SLC36A2: variants seen among roughly 807,000 people sequenced by gnomAD.
SLC36A2 encodes solute carrier family 36 member 2.
In SLC36A2, 39 loss-of-function variants were observed where a neutral mutation model predicts 42.7. The observed-to-expected ratio is 0.91, with a 90% CI of 0.71 to 1.19. SLC36A2 has a LOEUF of 1.19. SLC36A2 is among the 50% of genes most tolerant of loss of function. The pLI is 0.00. For synonymous variants in SLC36A2, 237 were observed against 240.8 expected, an observed-to-expected ratio of 0.98 and a Z score of 0.15; for missense variants, 590 against 613.7, an observed-to-expected ratio of 0.96 and a Z score of 0.41.
rs1755473305 is a variant in SLC36A2 at position 151,315,726 on chromosome 5, A to G, written c.*1091T>C. On this transcript the variant is annotated 3_prime_UTR_variant, in exon 10 of 10. Transcript: ENST00000335244. ...TTCATAGGAGCAGGTGCAAAGTCAC[A>G]TTATCACGAGGAATTTATGGTCATT... 6.6e-6 allele frequency: 1 copy of G among 152,192 alleles called. No homozygotes were observed. Among genetic ancestry groups the G allele is most frequent in the African/African-American group, 2.4e-5 (1 of 41,446 alleles). 9.4% of individuals were successfully genotyped at this position (152,192 alleles called of 1,614,324 possible).
intron 6 of SLC36A2, 108 bp from the exon 7 acceptor site, chr5:151,333,430 C>G (rs1202643670): frequency 1.1e-6 from 1 of 950,336 alleles, no homozygotes; most frequent in Non-Finnish European, 1.7e-6. Flanking sequence ...AATTGAATAT[C>G]AAGAAGTTTA....
chr5:151,340,241 AGGAG>A (rs1425306015), intron 4 of SLC36A2, among the ~76,000 whole-genome samples: 2 of 145,380 alleles, frequency 1.4e-5, no homozygotes, highest in African/African-American at 5.1e-5. Flanking sequence ...GGGGAGGAGG[AGGAG>A]GGGGAAGAAG....
chr5:151,326,757 T>C lies in SLC36A2; in HGVS notation c.844-1305A>G, dbSNP rs575592623. 9.7e-4 allele frequency among the ~76,000 whole-genome samples: 148 copies of C among 152,118 alleles called. 1 individual carries two copies. Among genetic ancestry groups the C allele is most frequent in the Non-Finnish European group, 1.7e-3 (117 of 68,016 alleles). On this transcript the variant is annotated intron_variant, in intron 7 of 9. Transcript: ENST00000335244. ...GGCTGTGTGCTAAGCATTCTCTACA[T>C]GCACTATTTAGCTGATCTGTTTTCT...
At position 151,317,103 on chromosome 5, in the gene SLC36A2, T is replaced by C. The variant is rs1277705420; in HGVS notation, c.1181-15A>G. The C allele has an allele frequency of 6.2e-6, 10 of 1,613,220 alleles. No individual in the cohort carries two copies. Among genetic ancestry groups the C allele is most frequent in the Middle Eastern group, 1.7e-4 (1 of 6,048 alleles). ...GGCCAGGAGGCCTGCAGGGAGAGGA[T>C]AGTGGAGAGATGGAGCATTCCAGGC... On this transcript the variant is annotated splice_polypyrimidine_tract_variant and intron_variant, in intron 9 of 9. Transcript: ENST00000335244.
At chr5:151,344,595 AG>A (rs1201308445) in intron 1 of SLC36A2, among the ~76,000 whole-genome samples, 2 of 152,244 alleles carry the variant, frequency 1.3e-5, no homozygotes, top group East Asian at 3.8e-4. Flanking sequence ...TTGCAGGTGA[AG>A]AAACTGAGGC....
chr5:151,324,230 C>T (rs1755786559), intron 8 of SLC36A2, among the ~76,000 whole-genome samples: 1 of 152,140 alleles, frequency 6.6e-6, no homozygotes, highest in Admixed American at 6.6e-5. Context: ...GCAACCTCCA[C>T]CTCCCAGGTT....
intron 1 of SLC36A2, among the ~76,000 whole-genome samples, chr5:151,346,329 C>T (rs544083995): frequency 6.6e-6 from 1 of 152,186 alleles, no homozygotes; most frequent in African/African-American, 2.4e-5. Context: ...TGTGTCCATC[C>T]CTAAATTGTC....
chr5:151,329,549 G>C (rs565036526), intron 7 of SLC36A2, among the ~76,000 whole-genome samples: 88 of 152,148 alleles, frequency 5.8e-4, no homozygotes, highest in Non-Finnish European at 1.0e-3. Flanking sequence ...CAAAAAGTAA[G>C]GGAGAACGCT....
Position 151,322,235 on chromosome 5 carries a change from G to A in SLC36A2, c.1011-20C>T, listed in dbSNP as rs1315244005. 2 of 1,613,478 alleles carry A rather than the reference G, an allele frequency of 1.2e-6. No homozygotes were observed. The highest frequency in any genetic ancestry group is 1.3e-5 in the African/African-American group (1 of 75,008). ...TACAGCCTGCAAGACAAACCACAGA[G>A]CTGCTCTCCACGGCCACTGTGTTCT... On this transcript the variant is annotated intron_variant, in intron 8 of 9. Transcript: ENST00000335244.
In SLC36A2 at chr5:151,347,373, A is replaced by G. The variant is rs1450426760; in HGVS notation, c.88T>C (p.Leu30=). The G allele has an allele frequency of 6.2e-7, 1 of 1,614,182 alleles. No individual in the cohort carries two copies. Among genetic ancestry groups the G allele is most frequent in the Non-Finnish European group, 8.5e-7 (1 of 1,180,034 alleles). The stretch of plus-strand genomic sequence containing the variant: ...AAGAATGTAGAGTCCTTGTTCTCCA[A>G]CTTCTTGGCACTTTCAGGAGGCGAC... ...LMSPPESAKK[L]ENKDSTFLDE... Residue 30 remains leucine, a synonymous_variant, in exon 1 of 10, where the codon TTG becomes CTG. Transcript: ENST00000335244.
chr5:151,345,073 G>A (rs970646309), intron 1 of SLC36A2, among the ~76,000 whole-genome samples: 3 of 152,128 alleles, frequency 2.0e-5, no homozygotes, highest in Non-Finnish European at 4.4e-5. Flanking sequence ...AGGTTTGCCC[G>A]GAGGACAAAG....
chr5:151,340,997 T>TTTA (rs554291310), intron 4 of SLC36A2, among the ~76,000 whole-genome samples: 53 of 152,172 alleles, frequency 3.5e-4, no homozygotes, highest in African/African-American at 1.1e-3. Context: ...ATTTACTTGC[T>TTTA]TTATTATTAT....
chr5:151,318,440 T>C (rs1201520104), intron 9 of SLC36A2, among the ~76,000 whole-genome samples: 1 of 145,446 alleles, frequency 6.9e-6, no homozygotes, highest in African/African-American at 2.5e-5. Flanking sequence ...AAATAAATAA[T>C]ACAAATTTAT....
chr5:151,335,295 C>T, intron 6 of SLC36A2, 34 bp downstream of exon 6: 1 of 1,547,434 alleles, frequency 6.5e-7, no homozygotes, highest in Non-Finnish European at 8.9e-7. Flanking sequence ...AAACCCTGCC[C>T]AGTGGAGTGG....
chr5:151,333,135 G>T, intron 7 of SLC36A2, 89 bp downstream of exon 7: 1 of 1,212,686 alleles, frequency 8.2e-7, no homozygotes, highest in Non-Finnish European at 1.2e-6. Context: ...ACAATGGCCA[G>T]CGGGACACAG....
intron 4 of SLC36A2, among the ~76,000 whole-genome samples, chr5:151,342,648 G>A (rs1756379084): frequency 1.3e-5 from 2 of 152,352 alleles, no homozygotes; most frequent in Middle Eastern, 3.4e-3. Flanking sequence ...CTGGATAAAT[G>A]TGGTTTAATA....
intron 5 of SLC36A2, 56 bp downstream of exon 5, chr5:151,339,004 G>T: frequency 2.4e-6 from 3 of 1,251,728 alleles, no homozygotes; most frequent in Non-Finnish European, 2.3e-6. Context: ...CAAACAACTA[G>T]CAGTGGCGTG....
chr5:151,340,233 G>A (rs1203447188), intron 4 of SLC36A2, among the ~76,000 whole-genome samples: 3 of 148,332 alleles, frequency 2.0e-5, no homozygotes, highest in East Asian at 2.0e-4. Flanking sequence ...AGGAGGAAGG[G>A]GAGGAGGAGG....
At chr5:151,342,335 A>G (rs1031208101) in intron 4 of SLC36A2, among the ~76,000 whole-genome samples, 13 of 151,334 alleles carry the variant, frequency 8.6e-5, no homozygotes, top group Admixed American at 3.3e-4. Context: ...TTCCAGCCCC[A>G]CCCTCCAGGC....
Sources: gnomAD v4.1 joint callset for allele counts (sites outside exome capture counted in the v4.1 genomes callset) on GRCh38, gnomAD v4.1.1 for gene constraint, MANE v1.5 for transcripts, NCBI Gene and HGNC (gene_info 2026-07-23, HGNC 2026-07-21) for gene names.